Variants in NEK5 observed in about 807,000 individuals in gnomAD.
NEK5 encodes the protein serine/threonine-protein kinase Nek5.
NEK5 carries 88 observed loss-of-function variants against 109.2 expected under a neutral mutation model. The ratio of observed to expected loss-of-function variants is 0.81; its 90% CI spans 0.68 to 0.96. NEK5 has a LOEUF of 0.96. Among genes scored for constraint, NEK5 ranks in the 40% least tolerant of loss-of-function variants. NEK5 has a pLI of 0.00. For synonymous variants in NEK5, 283 were observed against 299.9 expected (o/e 0.94, Z 0.58); for missense variants, 834 against 920.7 (o/e 0.91, Z 1.22).
intron 4 of NEK5, among the ~76,000 whole-genome samples, chr13:52,112,743 T>A (rs1385404503): frequency 1.3e-5 from 2 of 152,230 alleles, no homozygotes; most frequent in African/African-American, 4.8e-5. Flanking sequence ...CCAGGAAGAA[T>A]TAATAGCCCC....
intron 16 of NEK5, among the ~76,000 whole-genome samples, chr13:52,084,478 CAA>C (rs1955077457): frequency 1.3e-5 from 2 of 152,176 alleles, no homozygotes; most frequent in Admixed American, 1.3e-4. Flanking sequence ...CTTGGCCTCC[CAA>C]AATGCTAGGA....
In NEK5 at chr13:52,034,274, C is replaced by T. The variant is rs1954337221; in HGVS notation, c.*2674G>A. On this transcript the variant is annotated 3_prime_UTR_variant, in exon 24 of 24. Transcript: ENST00000684899. ...CAGAGTAAAGTAATCAGAGCCATGC[C>T]TCAGGAACACGATTTAGCTAATAGT... 2 of 152,114 alleles carry T rather than the reference C, an allele frequency of 1.3e-5. No individual in the cohort carries two copies. Among genetic ancestry groups the T allele is most frequent in the South Asian group, 4.1e-4 (2 of 4,826 alleles). 9.4% of individuals were successfully genotyped at this position (152,114 alleles called of 1,614,324 possible). A position where few individuals can be genotyped will look rare whatever the true frequency, so the allele number is the denominator to read the frequency against.
chr13:52,068,586 T>C (rs911553457), intron 20 of NEK5, among the ~76,000 whole-genome samples: 3 of 152,220 alleles, frequency 2.0e-5, no homozygotes, highest in Middle Eastern at 6.8e-3. Context: ...AAAGGTTTGA[T>C]TTAAATCAGT....
At chr13:52,052,460 A>G (rs1214920411) in intron 22 of NEK5, among the ~76,000 whole-genome samples, 1 of 152,158 alleles carries the variant, frequency 6.6e-6, no homozygotes, top group African/African-American at 2.4e-5. Flanking sequence ...TGGGCTGCTC[A>G]CAGAGTAGCT....
intron 17 of NEK5, among the ~76,000 whole-genome samples, chr13:52,080,752 T>C (rs945673854): frequency 1.3e-5 from 2 of 152,034 alleles, no homozygotes; most frequent in Non-Finnish European, 2.9e-5. Flanking sequence ...ACACAAACAC[T>C]GCGGAAGGCC....
At position 52,036,305 on chromosome 13, in the gene NEK5, ACCTC is replaced by A. The variant is rs1169932089; in HGVS notation, c.*639_*642del. On this transcript the variant is annotated 3_prime_UTR_variant, in exon 24 of 24. Transcript: ENST00000684899. ...GCACCCAGGTGGATAAACCAAGATA[ACCTC>A]CCTATTTTAAGGTCAGCTGATAAGC... 6.6e-6 allele frequency: 1 copy of A among 151,990 alleles called. No homozygotes were observed. Among genetic ancestry groups the A allele is most frequent in the Non-Finnish European group, 1.5e-5 (1 of 68,014 alleles). 9.4% of individuals were successfully genotyped at this position (151,990 alleles called of 1,614,324 possible).
intron 22 of NEK5, among the ~76,000 whole-genome samples, chr13:52,060,504 G>A (rs1954603848): frequency 6.6e-6 from 1 of 152,094 alleles, no homozygotes; most frequent in Non-Finnish European, 1.5e-5. Context: ...ACAGGCGCCT[G>A]CCACCATGCC....
At chr13:52,061,598 G>A (rs1210871474) in intron 22 of NEK5, among the ~76,000 whole-genome samples, 2 of 152,142 alleles carry the variant, frequency 1.3e-5, no homozygotes, top group Admixed American at 6.6e-5. Flanking sequence ...GTTGTCAGCT[G>A]ATTGCATTAA....
At chr13:52,080,592 C>T (rs1207840257) in intron 17 of NEK5, among the ~76,000 whole-genome samples, 1 of 151,990 alleles carries the variant, frequency 6.6e-6, no homozygotes, top group Non-Finnish European at 1.5e-5. Context: ...GTGACCTTAC[C>T]CCCAACCCTG....
intron 3 of NEK5, among the ~76,000 whole-genome samples, chr13:52,120,333 T>C (rs980325676): frequency 3.3e-5 from 5 of 152,104 alleles, no homozygotes; most frequent in Admixed American, 6.6e-5. Flanking sequence ...TCCTACCAGC[T>C]GGATACATTT....
chr13:52,078,687 G>C (rs1272808308), intron 17 of NEK5, among the ~76,000 whole-genome samples: 1 of 151,890 alleles, frequency 6.6e-6, no homozygotes, highest in Non-Finnish European at 1.5e-5. Flanking sequence ...TAGAGTTCCT[G>C]CCTCAAGATC....
chr13:52,058,872 C>CA (rs1566735895), intron 22 of NEK5, among the ~76,000 whole-genome samples: 82 of 152,094 alleles, frequency 5.4e-4, no homozygotes, highest in Middle Eastern at 3.4e-3. Context: ...CTAGGCTTTA[C>CA]CATTCAGGAC....
At chr13:52,112,869 C>T (rs1021550170) in intron 4 of NEK5, among the ~76,000 whole-genome samples, 2 of 152,188 alleles carry the variant, frequency 1.3e-5, no homozygotes, top group African/African-American at 4.8e-5. Context: ...GATTACAGGA[C>T]ACTCTCCATT....
intron 12 of NEK5, among the ~76,000 whole-genome samples, chr13:52,095,916 A>G (rs1189346455): frequency 6.6e-6 from 1 of 152,146 alleles, no homozygotes; most frequent in Non-Finnish European, 1.5e-5. Context: ...GTAATCCCCA[A>G]TGTTGGGAGA....
rs1461797203 is a variant in NEK5, at chr13:52,108,318, G to A, written c.554C>T (p.Thr185Met). ...ICQNKPYNNK[T>M]DIWSLGCVLY... is the part of the protein sequence containing the mutation. ...TTCAAACTAAGAGTCAGCAACTTAC[G>A]TTTTATTGTTGTAGGGTTTATTCTG... is the stretch of plus-strand genomic sequence containing the variant. The change falls in exon 8 of 24, where the codon ACG (threonine) becomes ATG (methionine). Residue 185 changes from threonine (T) to methionine (M), a missense_variant and splice_region_variant. Coordinates refer to ENST00000684899, the MANE Select transcript of NEK5 (RefSeq NM_001365552.1). The A allele has an allele frequency of 3.1e-6, 5 of 1,591,652 alleles. No individual in the cohort carries two copies. The highest frequency in any genetic ancestry group is 2.2e-5 in the East Asian group (1 of 44,628).
At chr13:52,080,029 G>A (rs1419317663) in intron 17 of NEK5, among the ~76,000 whole-genome samples, 11 of 149,366 alleles carry the variant, frequency 7.4e-5, no homozygotes, top group African/African-American at 2.7e-4. Flanking sequence ...CCTGGCAACC[G>A]CCCCGTCTAA....
In NEK5 at chr13:52,099,760, C is replaced by G; in HGVS notation, c.1009G>C (p.Ala337Pro). 1 of 1,613,782 alleles carries G rather than the reference C, an allele frequency of 6.2e-7. No individual in the cohort carries two copies. Among genetic ancestry groups the G allele is most frequent in the Non-Finnish European group, 8.5e-7 (1 of 1,179,830 alleles). ...HRNEWRPPAG[A>P]QKARSIKMIE... ...TGACTTACAGATCTGGCCTTCTGGGCTCCAGCTGGTGGTCTCCATTCATTT... is the reference window on the plus strand; with the variant it reads ...TGACTTACAGATCTGGCCTTCTGGGGTCCAGCTGGTGGTCTCCATTCATTT... The change falls in exon 12 of 24, where the codon GCC becomes CCC. Residue 337 changes from alanine (A) to proline (P), a missense_variant. Physicochemically the swap from Ala to Pro is conservative, Grantham distance 27 (BLOSUM62 -1). Around this residue, in one of 2 missense-constraint regions of NEK5, gnomAD observed 777 missense variants for 824.7 expected, o/e 0.94. Transcript: ENST00000684899.
In NEK5 at chr13:52,079,376, TCTC is replaced by T. The variant is rs1328352553; in HGVS notation, c.1573-3236_1573-3234del. On this transcript the variant is annotated intron_variant, in intron 17 of 23. Coordinates refer to ENST00000684899, the MANE Select transcript of NEK5 (RefSeq NM_001365552.1). ...CCGAAGCTGGACTGTACTGCTGCCA[TCTC>T]GGCTCACTGCAACTTCCCTGCCTGA... is the stretch of plus-strand genomic sequence containing the variant. Among the ~76,000 whole-genome samples the T allele has an allele frequency of 2.0e-5, 3 of 148,294 alleles. No individual in the cohort carries two copies. In the East Asian group the frequency reaches 6.2e-4, roughly 30 times the overall value.
intron 19 of NEK5, among the ~76,000 whole-genome samples, chr13:52,074,015 T>C (rs542664834): frequency 6.6e-6 from 1 of 152,114 alleles, no homozygotes; most frequent in Non-Finnish European, 1.5e-5. Context: ...CATGCATGGA[T>C]TGGAATAATC....
Sources: allele counts gnomAD v4.1 joint callset (sites outside exome capture counted in the v4.1 genomes callset), GRCh38; gene constraint gnomAD v4.1.1; regional missense constraint gnomAD v4.1.1; transcripts MANE v1.5; gene names NCBI Gene and HGNC (gene_info 2026-07-23, HGNC 2026-07-21).